Variants in PSPC1 observed in about 807,000 individuals in gnomAD.
The protein encoded by PSPC1 is paraspeckle protein 1.
PSPC1 carries 14 observed loss-of-function variants against 51.6 expected under a neutral mutation model. The ratio of observed to expected loss-of-function variants is 0.27; its 90% CI spans 0.18 to 0.42. The LOEUF is 0.42. PSPC1 is among the 10% of genes least tolerant of loss of function. The pLI, the probability that PSPC1 is intolerant of heterozygous loss-of-function variation, is 1.00. For missense variants in PSPC1, 406 were observed against 701.1 expected, an observed-to-expected ratio of 0.58 and a Z score of 4.75; for synonymous variants, 193 against 231.9, an observed-to-expected ratio of 0.83 and a Z score of 1.53.
At chr13:19,748,920 G>T (rs1367450255) in intron 4 of PSPC1, among the ~76,000 whole-genome samples, 3 of 152,012 alleles carry the variant, frequency 2.0e-5, no homozygotes, top group African/African-American at 7.2e-5. Flanking sequence ...CAAACTTTAA[G>T]ATCTCTTGGC....
downstream of PSPC1, among the ~76,000 whole-genome samples, chr13:19,674,306 T>C (rs1876375348): frequency 6.6e-6 from 1 of 152,240 alleles, no homozygotes; most frequent in South Asian, 2.1e-4. Context: ...CAATTAGATA[T>C]GAGGAGTTTG....
In PSPC1 at chr13:19,751,350, G is replaced by A. The variant is rs1156671458; in HGVS notation, c.888C>T (p.Asn296=). The change falls in exon 4 of 9, where the codon AAC becomes AAT. Residue 296 remains asparagine (N), a synonymous_variant. Transcript: ENST00000338910. ...CCAGTTTCTCTTTGGCTTCTCTGAT[G>A]TTTCTATCAACCTGCTCACGCTGCT... is the stretch of plus-strand genomic sequence containing the variant. ...EKQQREQVDR[N]IREAKEKLEA... The A allele has an allele frequency of 1.9e-6, 3 of 1,589,100 alleles. No individual in the cohort carries two copies. In the East Asian group the frequency reaches 6.8e-5, roughly 36 times the overall value.
downstream of PSPC1, chr13:19,674,556 A>C (rs1163629256): frequency 2.0e-5 from 3 of 152,096 alleles, no homozygotes; most frequent in Non-Finnish European, 4.4e-5. Flanking sequence ...TGTTAATGAG[A>C]ATATACTAGT....
intron 4 of PSPC1, among the ~76,000 whole-genome samples, chr13:19,744,522 A>G (rs56193494): frequency 3.9e-4 from 60 of 152,202 alleles, no homozygotes; most frequent in Admixed American, 9.8e-4. Context: ...TTTCTAGGGG[A>G]AAAAACTGTA....
intron 2 of PSPC1, among the ~76,000 whole-genome samples, chr13:19,765,901 G>A (rs1323135145): frequency 2.0e-5 from 3 of 152,050 alleles, no homozygotes; most frequent in African/African-American, 7.2e-5. Flanking sequence ...ATATTATAAT[G>A]TTTTTCTTAA....
At chr13:19,738,747 A>T (rs1284436675) in intron 5 of PSPC1, among the ~76,000 whole-genome samples, 18 of 152,150 alleles carry the variant, frequency 1.2e-4, no homozygotes, top group Admixed American at 1.1e-3. Context: ...CTCTACTAAA[A>T]ATACAAAAAA....
intron 7 of PSPC1, among the ~76,000 whole-genome samples, chr13:19,706,383 A>C (rs573794035): frequency 1.3e-5 from 2 of 152,142 alleles, no homozygotes; most frequent in South Asian, 4.2e-4. Flanking sequence ...AAATTACATA[A>C]GGTACTCTTT....
intron 6 of PSPC1, among the ~76,000 whole-genome samples, chr13:19,692,894 T>TG (rs1878735078): frequency 6.6e-6 from 1 of 152,324 alleles, no homozygotes; most frequent in South Asian, 2.1e-4. Flanking sequence ...AGGCTGGGGC[T>TG]GGATCCCTGA....
chr13:19,758,653 C>T (rs766250438), intron 3 of PSPC1, among the ~76,000 whole-genome samples: 13 of 151,660 alleles, frequency 8.6e-5, no homozygotes, highest in Non-Finnish European at 1.5e-4. Flanking sequence ...GCCAACATGG[C>T]GAAACCCCAT....
At chr13:19,695,718 T>G (rs1406788946) in intron 6 of PSPC1, among the ~76,000 whole-genome samples, 2 of 152,194 alleles carry the variant, frequency 1.3e-5, no homozygotes, top group Non-Finnish European at 2.9e-5. Context: ...TTTTAAATTT[T>G]TATCATTTTT....
downstream of PSPC1, chr13:19,673,001 A>G: frequency 2.3e-6 from 1 of 427,826 alleles, no homozygotes; most frequent in Non-Finnish European, 4.6e-6. Flanking sequence ...GGCTGCAGTG[A>G]GCCGTGAAAG....
intron 5 of PSPC1, among the ~76,000 whole-genome samples, chr13:19,741,097 C>A (rs2138035077): frequency 6.6e-6 from 1 of 152,266 alleles, no homozygotes; most frequent in Middle Eastern, 3.4e-3. Context: ...TGGTCTCGAA[C>A]TCCTGACCTC....
At position 19,675,176 on chromosome 13, in the gene PSPC1, G is replaced by C. The variant is rs549918908; in HGVS notation, c.*77-192C>G. The C allele has an allele frequency of 1.8e-4, 27 of 152,728 alleles. No individual in the cohort carries two copies. In the East Asian group the frequency reaches 4.1e-3, roughly 23 times the overall value. The allele number at this position is 152,728 out of a possible 1,614,324, so 9.5% of individuals were successfully genotyped here. On this transcript the variant is annotated intron_variant and NMD_transcript_variant, in intron 7 of 7. Coordinates refer to the PSPC1 transcript ENST00000471658. ...CCTGAGCCAGTTCATGTTTCAGTAA[G>C]AACGATTTTTCTCCCAACAGTGCCA...
downstream of PSPC1, among the ~76,000 whole-genome samples, chr13:19,700,472 AG>A (rs2137703439): frequency 6.6e-6 from 1 of 152,250 alleles, no homozygotes; most frequent in East Asian, 1.9e-4. Flanking sequence ...AAAAACCTCA[AG>A]AAAGAATAGC....
intron 7 of PSPC1, among the ~76,000 whole-genome samples, chr13:19,706,677 T>C (rs768679244): frequency 3.3e-5 from 5 of 152,138 alleles, no homozygotes; most frequent in Non-Finnish European, 7.4e-5. Flanking sequence ...GCATTTTCTT[T>C]GAAAAATTTT....
chr13:19,772,597 AAAC>A (rs1888721895), intron 1 of PSPC1, 54 bp from the exon 2 acceptor site: 1 of 1,521,978 alleles, frequency 6.6e-7, no homozygotes, highest in African/African-American at 1.4e-5. Flanking sequence ...AAAAAATTCA[AAAC>A]AGTGTTTGGC....
downstream of PSPC1, chr13:19,672,236 C>G (rs533238645): frequency 7.4e-4 from 142 of 192,250 alleles, no homozygotes; most frequent in Middle Eastern, 7.1e-3. Flanking sequence ...GCTCTGCCTC[C>G]TGGGTTCAAG....
At chr13:19,675,191 C>G (rs1237253236) in intron 7 of PSPC1, 1 of 152,496 alleles carries the variant, frequency 6.6e-6, no homozygotes, top group Non-Finnish European at 1.5e-5. Flanking sequence ...ATTTTTCTCC[C>G]AACAGTGCCA....
At position 19,782,921 on chromosome 13, in the gene PSPC1, G is replaced by C; in HGVS notation, c.-164C>G. The C allele has an allele frequency of 1.5e-6, 1 of 656,766 alleles. No homozygotes were observed. Among genetic ancestry groups the C allele is most frequent in the Non-Finnish European group, 2.3e-6 (1 of 439,268 alleles). The allele number at this position is 656,766 out of a possible 1,614,324, so 40.7% of individuals were successfully genotyped here. A position where few individuals can be genotyped will look rare whatever the true frequency, so the allele number is the denominator to read the frequency against. ...ACCCGTCCTCCCCCAACTCACGCCC[G>C]CTGCAGCTGCACATTCAAAATGGCG... On this transcript the variant is annotated 5_prime_UTR_variant, in exon 1 of 9. Coordinates refer to ENST00000338910, the MANE Select transcript of PSPC1 (RefSeq NM_001354909.2). This position sits in a 1 kb window ranked among gnomAD's most constrained non-coding sequence, Gnocchi z 4.5.
Sources: gnomAD v4.1 joint callset for allele counts (sites outside exome capture counted in the v4.1 genomes callset) on GRCh38, gnomAD v4.1.1 for gene constraint, Gnocchi (gnomAD v3.1) non-coding constraint, MANE v1.5 for transcripts, NCBI Gene and HGNC (gene_info 2026-07-23, HGNC 2026-07-21) for gene names.